The following LRRC4C variants were observed in gnomAD, a reference collection of about 807,000 sequenced individuals.
The protein encoded by LRRC4C is leucine-rich repeat-containing protein 4C.
Under a neutral mutation model 33.6 loss-of-function variants are expected in LRRC4C, and 5 were observed. The observed-to-expected ratio is 0.15, with a 90% CI of 0.08 to 0.31. The LOEUF (loss-of-function observed/expected upper bound fraction) is 0.31. Among genes scored for constraint, LRRC4C ranks in the 10% least tolerant of loss-of-function variants. The pLI, the probability that LRRC4C is intolerant of heterozygous loss-of-function variation, is 1.00. For synonymous variants in LRRC4C, 329 were observed against 302.0 expected (o/e 1.09, Z -0.93); for missense variants, 560 against 796.7 (o/e 0.70, Z 3.58).
chr11:41,299,765 T>G (rs1950235629), intron 1 of LRRC4C, among the ~76,000 whole-genome samples: 1 of 152,158 alleles, frequency 6.6e-6, no homozygotes, highest in African/African-American at 2.4e-5. Flanking sequence ...GAAAATTTTC[T>G]AGAAGCAATA....
chr11:40,582,841 G>A (rs900512668), intron 3 of LRRC4C, among the ~76,000 whole-genome samples: 23 of 151,938 alleles, frequency 1.5e-4, no homozygotes, highest in African/African-American at 5.5e-4. Flanking sequence ...TTAAATAGAT[G>A]CATAATAATT....
intron 5 of LRRC4C, among the ~76,000 whole-genome samples, chr11:40,181,409 G>A (rs971590923): frequency 6.6e-6 from 1 of 152,138 alleles, no homozygotes; most frequent in African/African-American, 2.4e-5. Flanking sequence ...CAAAGATAAG[G>A]CATACTGCAA....
chr11:40,927,037 G>A, intron 2 of LRRC4C, among the ~76,000 whole-genome samples: 1 of 152,154 alleles, frequency 6.6e-6, no homozygotes, highest in East Asian at 1.9e-4. Context: ...TTGGATAAAG[G>A]TAAAATCTAG....
intron 1 of LRRC4C, among the ~76,000 whole-genome samples, chr11:41,135,133 T>C (rs1374794596): frequency 6.6e-6 from 1 of 151,966 alleles, no homozygotes; most frequent in Non-Finnish European, 1.5e-5. Context: ...GCCATAAGGG[T>C]TGTGAGCATA....
chr11:41,328,278 G>A (rs1484783870), intron 1 of LRRC4C, among the ~76,000 whole-genome samples: 1 of 152,196 alleles, frequency 6.6e-6, no homozygotes, highest in African/African-American at 2.4e-5. Flanking sequence ...CCTGCTGGAG[G>A]AGTGCTCCCC....
At chr11:40,750,743 G>A (rs1260714107) in intron 2 of LRRC4C, among the ~76,000 whole-genome samples, 1 of 150,604 alleles carries the variant, frequency 6.6e-6, no homozygotes, top group Non-Finnish European at 1.5e-5. Flanking sequence ...CATGGCACAT[G>A]TATACATATG....
intron 4 of LRRC4C, among the ~76,000 whole-genome samples, chr11:40,295,690 AC>A (rs1296886124): frequency 6.6e-6 from 1 of 152,226 alleles, no homozygotes; most frequent in East Asian, 1.9e-4. Context: ...AAGAGGAAAG[AC>A]TTTTCCTTAC....
intron 3 of LRRC4C, chr11:40,446,698 C>A (rs1252274143): frequency 6.6e-6 from 1 of 152,164 alleles, no homozygotes; most frequent in African/African-American, 2.4e-5. Flanking sequence ...GGAAACTTAA[C>A]AATCGTGGTG....
chr11:41,375,686 T>C (rs1474012336), intron 1 of LRRC4C, among the ~76,000 whole-genome samples: 1 of 152,170 alleles, frequency 6.6e-6, no homozygotes, highest in Non-Finnish European at 1.5e-5. Flanking sequence ...ATCACAATAC[T>C]ATAGAACTAT....
At position 40,115,702 on chromosome 11, in the gene LRRC4C, G is replaced by A. The variant is rs763894868; in HGVS notation, c.591C>T (p.Ser197=). The change falls in exon 7 of 7, where the codon TCC becomes TCT. Residue 197 remains serine (S), a synonymous_variant. Coordinates refer to ENST00000528697, the MANE Select transcript of LRRC4C (RefSeq NM_001258419.2). This position sits in a 1 kb window ranked among gnomAD's most constrained non-coding sequence, Gnocchi z 6.7. The stretch of plus-strand genomic sequence containing the variant: ...TGGCAAGGTTCAAATACCTCAAGTT[G>A]GACAGACCTTCAAAGGCACCTTCTG... ...YISEGAFEGL[S]NLRYLNLAMC... The A allele has an allele frequency of 2.5e-6, 4 of 1,614,122 alleles. No homozygotes were observed. The Admixed American group carries it at 6.7e-5, about 27-fold the overall frequency.
chr11:40,618,417 C>A (rs1962086204), intron 3 of LRRC4C, among the ~76,000 whole-genome samples: 1 of 151,346 alleles, frequency 6.6e-6, no homozygotes, highest in African/African-American at 2.4e-5. Context: ...GAACCAATGG[C>A]ACTGACACTA....
chr11:40,461,670 TTA>T (rs1008230332), intron 3 of LRRC4C, among the ~76,000 whole-genome samples: 2 of 148,898 alleles, frequency 1.3e-5, no homozygotes, highest in Non-Finnish European at 1.5e-5. Context: ...TATATACAAA[TTA>T]TATATATATT....
chr11:40,210,149 A>T (rs111812554), intron 5 of LRRC4C, among the ~76,000 whole-genome samples: 24 of 150,738 alleles, frequency 1.6e-4, no homozygotes, highest in East Asian at 3.9e-4. Flanking sequence ...AATATATATA[A>T]AAAAAAAACT....
intron 3 of LRRC4C, among the ~76,000 whole-genome samples, chr11:40,431,365 A>T (rs1253367366): frequency 7.0e-6 from 1 of 143,058 alleles, no homozygotes; most frequent in East Asian, 2.1e-4. Context: ...ACTGCACCCC[A>T]GCCTGAGTGA....
intron 1 of LRRC4C, among the ~76,000 whole-genome samples, chr11:41,103,536 G>A (rs1242741849): frequency 6.6e-6 from 1 of 151,872 alleles, no homozygotes; most frequent in Non-Finnish European, 1.5e-5. Flanking sequence ...ATACCAACTG[G>A]TATAGACATA....
intron 1 of LRRC4C, among the ~76,000 whole-genome samples, chr11:41,025,891 A>G (rs1449913541): frequency 6.6e-6 from 1 of 151,688 alleles, no homozygotes; most frequent in Non-Finnish European, 1.5e-5. Flanking sequence ...TGTTTACAGC[A>G]TGGTTTATTG....
At chr11:40,323,780 T>C (rs1945968437) in intron 3 of LRRC4C, among the ~76,000 whole-genome samples, 1 of 152,154 alleles carries the variant, frequency 6.6e-6, no homozygotes, top group African/African-American at 2.4e-5. Flanking sequence ...CCACCCTCTA[T>C]TGAATGAGGT....
intron 1 of LRRC4C, among the ~76,000 whole-genome samples, chr11:40,989,448 G>A (rs1233825842): frequency 6.6e-6 from 1 of 152,120 alleles, no homozygotes; most frequent in African/African-American, 2.4e-5. Context: ...CTGCTAATAA[G>A]AGGCTAGGCT....
intron 1 of LRRC4C, among the ~76,000 whole-genome samples, chr11:41,210,103 T>A (rs966432593): frequency 6.6e-6 from 1 of 152,172 alleles, no homozygotes; most frequent in African/African-American, 2.4e-5. Flanking sequence ...ATTTCCAGCC[T>A]CCAGAACTGT....
Sources: allele counts gnomAD v4.1 joint callset (sites outside exome capture counted in the v4.1 genomes callset), GRCh38; gene constraint gnomAD v4.1.1; non-coding constraint Gnocchi (gnomAD v3.1); transcripts MANE v1.5; gene names NCBI Gene and HGNC (gene_info 2026-07-23, HGNC 2026-07-21).